Variants in MYL6 observed in about 807,000 individuals in gnomAD.
MYL6 encodes myosin light polypeptide 6.
In MYL6, 20 loss-of-function variants were observed where a neutral mutation model predicts 20.3. That is an observed-to-expected ratio of 0.98 (90% CI 0.69 to 1.43). MYL6 has a LOEUF of 1.43. MYL6 is among the 40% of genes most tolerant of loss of function. The pLI is 0.00. For missense variants in MYL6, 164 were observed against 191.0 expected (o/e 0.86, Z 0.83); for synonymous variants, 77 against 72.4 (o/e 1.06, Z -0.32).
At chr12:56,160,570 C>T (rs771895553) in intron 5 of MYL6, 56 bp from the exon 6 acceptor site, 13 of 1,587,010 alleles carry the variant, frequency 8.2e-6, no homozygotes, top group African/African-American at 1.3e-5. Context: ...ACTGCCTGAC[C>T]CCTCACCCCA....
chr12:56,160,985 T>C, intron 6 of MYL6: 1 of 565,520 alleles, frequency 1.8e-6, no homozygotes. Flanking sequence ...CATGGGTAGC[T>C]GGCATAGAGG....
rs751868395 is a variant in MYL6, at chr12:56,159,994, G to A, written c.195G>A (p.Leu65=). ...PKSDEMNVKV[L]DFEHFLPMLQ... The stretch of plus-strand genomic sequence containing the variant: ...TGGCAGAGATGAATGTGAAGGTGCT[G>A]GACTTTGAGCACTTTCTGCCCATGC... Residue 65 remains leucine (L), a synonymous_variant, in exon 4 of 7, where the codon CTG becomes CTA. Transcript: ENST00000550697. 1.9e-6 allele frequency: 3 copies of A among 1,613,398 alleles called. No individual in the cohort carries two copies. Among genetic ancestry groups the A allele is most frequent in the South Asian group, 1.1e-5 (1 of 90,984 alleles).
Position 56,160,593 on chromosome 12 carries a change from G to A in MYL6, c.428-33G>A, listed in dbSNP as rs750669317. 1.1e-5 allele frequency: 17 copies of A among 1,613,620 alleles called. No individual in the cohort carries two copies. The Admixed American group carries it at 1.5e-4, about 14-fold the overall frequency. ...ACCCCTCACCCCATGTCTTTGTCTTGTCTTCACCATGAATGTCTCTTCCTT... is the reference window on the plus strand; with the variant it reads ...ACCCCTCACCCCATGTCTTTGTCTTATCTTCACCATGAATGTCTCTTCCTT... On this transcript the variant is annotated intron_variant, in intron 5 of 6. Transcript: ENST00000550697.
At chr12:56,158,443 C>T in intron 1 of MYL6, 39 bp downstream of exon 1, 1 of 1,547,214 alleles carries the variant, frequency 6.5e-7, no homozygotes, top group Middle Eastern at 1.8e-4. Flanking sequence ...GGATTGGGGA[C>T]GAGAGGCAGG....
At chr12:56,160,967 C>T in intron 6 of MYL6, 5 of 569,160 alleles carry the variant, frequency 8.8e-6, no homozygotes, top group Non-Finnish European at 1.6e-5. Flanking sequence ...GACCTTCTGG[C>T]CCTGGAGCAT....
At chr12:56,161,356 C>T (rs1871850902) in intron 6 of MYL6, 31 bp from the exon 7 acceptor site, 1 of 1,614,030 alleles carries the variant, frequency 6.2e-7, no homozygotes, top group South Asian at 1.1e-5. Flanking sequence ...CAGCCCTGTT[C>T]CCTGGCTCAT....
Position 56,159,601 on chromosome 12 carries a change from T to C in MYL6, c.46T>C (p.Phe16Leu). 6.2e-7 allele frequency: 1 copy of C among 1,613,654 alleles called. No homozygotes were observed. The highest frequency in any genetic ancestry group is 8.5e-7 in the Non-Finnish European group (1 of 1,179,882). The change falls in exon 3 of 7, where the codon TTC (phenylalanine) becomes CTC (leucine). Residue 16 changes from phenylalanine to leucine, a missense_variant. Physicochemically the swap from Phe to Leu is conservative, Grantham distance 22 (BLOSUM62 0). Coordinates refer to ENST00000550697, the MANE Select transcript of MYL6 (RefSeq NM_021019.5). ...EDQTAEFKEA[F>L]QLFDRTGDGK... is the part of the protein sequence containing the mutation. ...TGAATCCTCAGAGTTCAAGGAGGCC[T>C]TCCAGCTGTTTGACCGAACAGGTGA... is the stretch of plus-strand genomic sequence containing the variant.
At position 56,160,698 on chromosome 12, in the gene MYL6, G is replaced by C. The variant is rs761002597; in HGVS notation, c.*16+28G>C. 6 of 1,611,764 alleles carry C rather than the reference G, an allele frequency of 3.7e-6. No homozygotes were observed. In the South Asian group the frequency reaches 6.6e-5, roughly 18 times the overall value. Reference sequence around the variant, plus strand: ...ACGGCTCCTCCCAGCCTCTCCTCTAGTTGATCTCCCCAGTGTTTCTTTTTT... The same window carrying C: ...ACGGCTCCTCCCAGCCTCTCCTCTACTTGATCTCCCCAGTGTTTCTTTTTT... On this transcript the variant is annotated intron_variant, in intron 6 of 6. Transcript: ENST00000550697.
rs17118333 is a variant in MYL6 at position 56,159,042 on chromosome 12, G to T, written c.31+331G>T. On this transcript the variant is annotated intron_variant, in intron 2 of 6. Transcript: ENST00000550697. ...CTTTGTCCTTTAATCAGCTACTTCTGCCTCTTTTCTCCTCTTGTGATAACT... is the reference window on the plus strand; with the variant it reads ...CTTTGTCCTTTAATCAGCTACTTCTTCCTCTTTTCTCCTCTTGTGATAACT... The T allele has an allele frequency of 5.6e-4, 477 of 846,216 alleles. 10 individuals are homozygous for T. The East Asian group carries it at 0.013, about 23-fold the overall frequency. The allele number at this position is 846,216 out of a possible 1,614,324, so 52.4% of individuals were successfully genotyped here. A position where few individuals can be genotyped will look rare whatever the true frequency, so the allele number is the denominator to read the frequency against.
At position 56,159,167 on chromosome 12, in the gene MYL6, C is replaced by G. The variant is rs117445451; in HGVS notation, c.32-420C>G. The G allele has an allele frequency of 7.4e-4, 220 of 298,182 alleles. 5 individuals are homozygous for G. In the East Asian group the frequency reaches 0.012, roughly 16 times the overall value. 18.5% of individuals were successfully genotyped at this position (298,182 alleles called of 1,614,324 possible). Reference sequence around the variant, plus strand: ...ACAGGGGAGTTTGCTAAGGATATGACTGTAGCTATACCCTCTGGAAGTTCT... The same window carrying G: ...ACAGGGGAGTTTGCTAAGGATATGAGTGTAGCTATACCCTCTGGAAGTTCT... On this transcript the variant is annotated intron_variant, in intron 2 of 6. Transcript: ENST00000550697.
chr12:56,160,626 C>G lies in MYL6; in HGVS notation c.428C>G (p.Ala143Gly). The G allele has an allele frequency of 6.2e-7, 1 of 1,614,224 alleles. No homozygotes were observed. The highest frequency in any genetic ancestry group is 8.5e-7 in the Non-Finnish European group (1 of 1,180,028). ...EDSNGCINYE[A>G]FVRHILSG ...CATGAATGTCTCTTCCTTCCTGCAG[C>G]GTTTGTGAGGCATATCCTGTCGGGG... Residue 143 changes from alanine (A) to glycine (G), a missense_variant and splice_region_variant, in exon 6 of 7, where the codon GCG (alanine) becomes GGG (glycine). Transcript: ENST00000550697.
intron 6 of MYL6, 22 bp from the exon 7 acceptor site, chr12:56,161,365 A>C: frequency 6.2e-7 from 1 of 1,614,142 alleles, no homozygotes; most frequent in South Asian, 1.1e-5. Context: ...TCCCTGGCTC[A>C]TCCCACCTTT....
chr12:56,160,390 T>C, intron 5 of MYL6, 70 bp downstream of exon 5: 1 of 1,592,596 alleles, frequency 6.3e-7, no homozygotes, highest in Non-Finnish European at 8.6e-7. Flanking sequence ...TGTCTGGGGC[T>C]TTCCCTATCC....
intron 2 of MYL6, 153 bp downstream of exon 2, chr12:56,158,864 C>T: frequency 6.8e-7 from 1 of 1,473,714 alleles, no homozygotes; most frequent in South Asian, 1.4e-5. Context: ...CCTCCATTTT[C>T]TTTTCTCACT....
At chr12:56,160,769 T>A in intron 6 of MYL6, 99 bp downstream of exon 6, 2 of 1,325,642 alleles carry the variant, frequency 1.5e-6, no homozygotes, top group Non-Finnish European at 2.1e-6. Context: ...TACTACCATC[T>A]GACTTCCTCC....
rs746362445 is a variant in MYL6, at chr12:56,159,616, C to G, written c.61C>G (p.Arg21Gly). The change falls in exon 3 of 7, where the codon CGA becomes GGA. Residue 21 changes from arginine (R) to glycine (G), a missense_variant. Transcript: ENST00000550697. ...CAAGGAGGCCTTCCAGCTGTTTGACCGAACAGGTGATGGCAAGATCCTGTA... is the reference window on the plus strand; with the variant it reads ...CAAGGAGGCCTTCCAGCTGTTTGACGGAACAGGTGATGGCAAGATCCTGTA... Reference protein sequence around the residue: ...EFKEAFQLFDRTGDGKILYSQ... With the variant: ...EFKEAFQLFDGTGDGKILYSQ... The G allele has an allele frequency of 1.9e-6, 3 of 1,613,822 alleles. No individual in the cohort carries two copies. The South Asian group carries it at 3.3e-5, about 18-fold the overall frequency.
intron 2 of MYL6, chr12:56,159,155 CTAAGGA>C (rs1871537380): frequency 3.3e-6 from 1 of 300,606 alleles, no homozygotes; most frequent in Non-Finnish European, 6.2e-6. Context: ...GGGGAGTTTG[CTAAGGA>C]TATGACTGTA....
chr12:56,159,832 T>C, intron 3 of MYL6, 102 bp downstream of exon 3: 1 of 1,533,484 alleles, frequency 6.5e-7, no homozygotes, highest in South Asian at 1.3e-5. Flanking sequence ...CAAGCAAGTC[T>C]GGATTAGCAA....
intron 6 of MYL6, 38 bp downstream of exon 6, chr12:56,160,708 CCA>C (rs1871745901): frequency 6.2e-7 from 1 of 1,605,672 alleles, no homozygotes; most frequent in Non-Finnish European, 8.5e-7. Context: ...GTTGATCTCC[CCA>C]GTGTTTCTTT....
Sources: allele counts gnomAD v4.1 joint callset, GRCh38; gene constraint gnomAD v4.1.1; transcripts MANE v1.5; gene names NCBI Gene and HGNC (gene_info 2026-07-23, HGNC 2026-07-21).